Variants in XYLT1 observed in about 807,000 individuals in gnomAD.
The protein encoded by XYLT1 is xylosyltransferase 1.
XYLT1 carries 36 observed loss-of-function variants against 91.3 expected under a neutral mutation model. The observed-to-expected ratio is 0.39, with a 90% confidence interval of 0.30 to 0.52. The LOEUF (loss-of-function observed/expected upper bound fraction) is 0.52. XYLT1 is among the 20% of genes least tolerant of loss of function. The probability of loss-of-function intolerance (pLI) is 0.68; values close to 1 mark genes in which losing one functional copy is unlikely to be tolerated. For synonymous variants in XYLT1, 588 were observed against 532.0 expected (o/e 1.11, Z -1.45); for missense variants, 1,242 against 1,284.5 (o/e 0.97, Z 0.51).
intron 1 of XYLT1, among the ~76,000 whole-genome samples, chr16:17,403,747 A>G (rs1441869683): frequency 6.6e-6 from 1 of 152,246 alleles, no homozygotes; most frequent in African/African-American, 2.4e-5. Context: ...CTGCAGAAGA[A>G]GAGCCATGAA....
intron 6 of XYLT1, among the ~76,000 whole-genome samples, chr16:17,142,354 A>C (rs570832400): frequency 6.6e-6 from 1 of 151,700 alleles, no homozygotes; most frequent in South Asian, 2.1e-4. Context: ...TAAAACACTG[A>C]ATGTATGGTA....
At chr16:17,411,217 T>C (rs2036103069) in intron 1 of XYLT1, among the ~76,000 whole-genome samples, 1 of 152,220 alleles carries the variant, frequency 6.6e-6, no homozygotes. Flanking sequence ...GGACTGAACA[T>C]AGTACTTGTA....
At chr16:17,385,151 ATGTCACTCACCTTTATGTCTTATTGGAAG>A (rs1002929461) in intron 1 of XYLT1, among the ~76,000 whole-genome samples, 20 of 151,730 alleles carry the variant, frequency 1.3e-4, no homozygotes, top group Non-Finnish European at 2.5e-4. Context: ...AAACCTGTCC[ATGTCACTCACCTTTATGTCTTATTGGAAG>A]TGTCACCTCT....
At chr16:17,439,281 C>T (rs1469460033) in intron 1 of XYLT1, among the ~76,000 whole-genome samples, 6 of 152,180 alleles carry the variant, frequency 3.9e-5, no homozygotes, top group Non-Finnish European at 7.3e-5. Context: ...GAATTGGTCA[C>T]ACAGAGTTCC....
chr16:17,177,061 C>T (rs1344415114), intron 5 of XYLT1, among the ~76,000 whole-genome samples: 2 of 152,204 alleles, frequency 1.3e-5, no homozygotes, highest in Non-Finnish European at 2.9e-5. Flanking sequence ...ACTCTGTCCA[C>T]ATAAGCCTCT....
rs369933126 is a variant in XYLT1 at position 17,259,307 on chromosome 16, T to C, written c.594A>G (p.Glu198=). 1.9e-6 allele frequency: 3 copies of C among 1,614,162 alleles called. No individual in the cohort carries two copies. The highest frequency in any genetic ancestry group is 2.5e-6 in the Non-Finnish European group (3 of 1,180,038). Reference sequence around the variant, plus strand: ...TATGTCCTTTTCCTTTCTCCTGCTGTTCCAGCTTCCTTTTCAAAAGCTCCT... The same window carrying C: ...TATGTCCTTTTCCTTTCTCCTGCTGCTCCAGCTTCCTTTTCAAAAGCTCCT... ...RQKELLKRKL[E]QQEKGKGHTF... The change falls in exon 3 of 12, where the codon GAA becomes GAG. Residue 198 remains glutamate (E), a synonymous_variant. Coordinates refer to ENST00000261381, the MANE Select transcript of XYLT1 (RefSeq NM_022166.4).
intron 3 of XYLT1, among the ~76,000 whole-genome samples, chr16:17,217,662 G>C (rs1178081592): frequency 2.0e-5 from 3 of 152,200 alleles, no homozygotes; most frequent in South Asian, 2.1e-4. Context: ...TGTTGAATCT[G>C]TATTCAAGGA....
intron 11 of XYLT1, among the ~76,000 whole-genome samples, chr16:17,110,753 G>A (rs1966839279): frequency 6.6e-6 from 1 of 152,160 alleles, no homozygotes; most frequent in South Asian, 2.1e-4. Flanking sequence ...GTTAGAGACA[G>A]ATCTGGGGTT....
chr16:17,454,900 T>TCC (rs1175625311), intron 1 of XYLT1, among the ~76,000 whole-genome samples: 2 of 81,100 alleles, frequency 2.5e-5, no homozygotes, highest in African/African-American at 1.0e-4. Context: ...TATCATTCTT[T>TCC]CCTCCCCCCC....
At chr16:17,204,952 ACAGTGCC>A (rs2032613178) in intron 3 of XYLT1, among the ~76,000 whole-genome samples, 1 of 145,312 alleles carries the variant, frequency 6.9e-6, no homozygotes, top group Non-Finnish European at 1.5e-5. Flanking sequence ...CAAAACCCAA[ACAGTGCC>A]CAGCTCCAAA....
chr16:17,160,132 C>T (rs1034943992), intron 5 of XYLT1, among the ~76,000 whole-genome samples: 1 of 152,208 alleles, frequency 6.6e-6, no homozygotes, highest in African/African-American at 2.4e-5. Context: ...GATCCCAGCT[C>T]CATGACTGAG....
chr16:17,470,686 G>A lies in XYLT1; in HGVS notation c.111C>T (p.Ser37=). ...GGCGCTCCCCGGCCCCGGAGTCGAG[G>A]CTGCTGAAATTCCACACGACCAGCG... ...LQTLVVWNFS[S]LDSGAGERRG... Residue 37 remains serine, a synonymous_variant, in exon 1 of 12, where the codon AGC becomes AGT. Transcript: ENST00000261381. 8.6e-7 allele frequency: 1 copy of A among 1,161,464 alleles called. No homozygotes were observed. Among genetic ancestry groups the A allele is most frequent in the Non-Finnish European group, 1.1e-6 (1 of 923,624 alleles). The allele number at this position is 1,161,464 out of a possible 1,614,324, so 71.9% of individuals were successfully genotyped here.
Position 17,414,247 on chromosome 16 carries a change from G to A in XYLT1, c.363+56187C>T, listed in dbSNP as rs538659407. ...ACATCTCTATTTATTTATTTGGTGG[G>A]CTTTATTTCTATTTATTTGACCTCG... On this transcript the variant is annotated intron_variant, in intron 1 of 11. Transcript: ENST00000261381. Among the ~76,000 whole-genome samples, 11 of 152,238 alleles carry A rather than the reference G, an allele frequency of 7.2e-5. No individual in the cohort carries two copies. In the South Asian group the frequency reaches 2.3e-3, roughly 32 times the overall value.
chr16:17,127,631 A>G (rs2030305843), intron 10 of XYLT1, 35 bp downstream of exon 10: 3 of 1,595,884 alleles, frequency 1.9e-6, no homozygotes, highest in South Asian at 2.3e-5. Flanking sequence ...GGAAATGCAA[A>G]ATACAATGAA....
intron 3 of XYLT1, among the ~76,000 whole-genome samples, chr16:17,226,530 G>C (rs2033069155): frequency 6.6e-6 from 1 of 152,214 alleles, no homozygotes; most frequent in Admixed American, 6.5e-5. Context: ...GCTCACACCT[G>C]TAATCCCAGC....
intron 2 of XYLT1, among the ~76,000 whole-genome samples, chr16:17,267,136 G>A (rs2033819045): frequency 6.6e-6 from 1 of 152,320 alleles, no homozygotes; most frequent in Non-Finnish European, 1.5e-5. Context: ...AGACTGATAG[G>A]GCTGGGTTGG....
At chr16:17,361,276 A>G (rs2035377694) in intron 1 of XYLT1, among the ~76,000 whole-genome samples, 2 of 152,198 alleles carry the variant, frequency 1.3e-5, no homozygotes, top group Non-Finnish European at 2.9e-5. Context: ...CAGACACGTG[A>G]AACAAACCTG....
chr16:17,134,830 T>C, intron 8 of XYLT1, 95 bp from the exon 9 acceptor site: 1 of 1,474,646 alleles, frequency 6.8e-7, no homozygotes, highest in Non-Finnish European at 9.2e-7. Flanking sequence ...GAAGCAAAGC[T>C]CTGCTGGACC....
chr16:17,201,006 GT>G (rs1279949060), intron 3 of XYLT1, among the ~76,000 whole-genome samples: 2 of 152,202 alleles, frequency 1.3e-5, no homozygotes, highest in Admixed American at 1.3e-4. Flanking sequence ...TTAATTTCGA[GT>G]TAGTGAACGT....
Sources: allele counts gnomAD v4.1 joint callset (sites outside exome capture counted in the v4.1 genomes callset), GRCh38; gene constraint gnomAD v4.1.1; transcripts MANE v1.5; gene names NCBI Gene and HGNC (gene_info 2026-07-23, HGNC 2026-07-21).